Variants in ADAMTSL1 observed in about 807,000 individuals in gnomAD.
The protein encoded by ADAMTSL1 is ADAMTS-like protein 1.
ADAMTSL1 carries 126 observed loss-of-function variants against 201.8 expected under a neutral mutation model. The ratio of observed to expected loss-of-function variants is 0.62; its 90% confidence interval spans 0.54 to 0.72. The LOEUF (loss-of-function observed/expected upper bound fraction) is 0.72. ADAMTSL1 is among the 30% of genes least tolerant of loss of function. The probability of loss-of-function intolerance (pLI) is 0.00; values close to 1 mark genes in which losing one functional copy is unlikely to be tolerated. For synonymous variants in ADAMTSL1, 1,121 were observed against 903.4 expected (o/e 1.24, Z -4.32); for missense variants, 2,679 against 2,277.8 (o/e 1.18, Z -3.59).
At chr9:18,419,172 C>T (rs1404950769) in intron 2 of ADAMTSL1, among the ~76,000 whole-genome samples, 1 of 152,144 alleles carries the variant, frequency 6.6e-6, no homozygotes, top group Non-Finnish European at 1.5e-5. Context: ...CAACCAAAAC[C>T]TTATACCTTA....
At chr9:18,352,607 C>T (rs942213038) in intron 2 of ADAMTSL1, among the ~76,000 whole-genome samples, 22 of 152,072 alleles carry the variant, frequency 1.4e-4, no homozygotes, top group Non-Finnish European at 2.9e-4. Flanking sequence ...TGTTCATGTC[C>T]CTTTGCCTTT....
Position 18,484,589 on chromosome 9 carries a change from TA to T in ADAMTSL1, c.63+10298del, listed in dbSNP as rs780039406. Among the ~76,000 whole-genome samples, 121 of 152,316 alleles carry T rather than the reference TA, an allele frequency of 7.9e-4. 1 individual carries two copies. The highest frequency in any genetic ancestry group is 1.4e-3 in the Non-Finnish European group (98 of 68,030). On this transcript the variant is annotated intron_variant, in intron 1 of 28. Transcript: ENST00000380548. ...TCAATCTAGAGCTATGCTAAAGTAG[TA>T]AAACCTTTAAACCAGTCCCTCTTTC...
intron 1 of ADAMTSL1, among the ~76,000 whole-genome samples, chr9:18,076,504 C>T (rs1823231817): frequency 6.6e-6 from 1 of 152,166 alleles, no homozygotes; most frequent in Admixed American, 6.5e-5. Context: ...ATAGTGCCTC[C>T]ATGGGATAAT....
chr9:18,580,016 A>G (rs1289053978), intron 4 of ADAMTSL1, among the ~76,000 whole-genome samples: 1 of 152,222 alleles, frequency 6.6e-6, no homozygotes, highest in Non-Finnish European at 1.5e-5. Flanking sequence ...TTTGTAATTA[A>G]TAGAATTCAT....
chr9:18,901,298 G>A (rs1029966642), intron 26 of ADAMTSL1, among the ~76,000 whole-genome samples: 1 of 152,150 alleles, frequency 6.6e-6, no homozygotes. Context: ...CATATTAAAT[G>A]GAGTCCTTTG....
chr9:18,084,500 C>T (rs897882517), intron 1 of ADAMTSL1, among the ~76,000 whole-genome samples: 3 of 147,226 alleles, frequency 2.0e-5, no homozygotes, highest in African/African-American at 7.7e-5. Flanking sequence ...CCAACCTGGG[C>T]AACAGAGCAA....
intron 2 of ADAMTSL1, among the ~76,000 whole-genome samples, chr9:18,335,063 T>G (rs753838406): frequency 2.2e-4 from 33 of 152,142 alleles, no homozygotes; most frequent in Non-Finnish European, 3.8e-4. Context: ...GAAGGTTACG[T>G]AAGGCATTAT....
chr9:18,750,574 T>C (rs1253712308), intron 15 of ADAMTSL1, among the ~76,000 whole-genome samples: 1 of 152,224 alleles, frequency 6.6e-6, no homozygotes, highest in Non-Finnish European at 1.5e-5. Flanking sequence ...AGTGCTGCCA[T>C]GGATATTCTT....
chr9:18,162,438 G>A (rs757010953), intron 1 of ADAMTSL1, among the ~76,000 whole-genome samples: 2 of 152,130 alleles, frequency 1.3e-5, no homozygotes, highest in Non-Finnish European at 2.9e-5. Context: ...AAGCAAGTGT[G>A]TGTGACAGCA....
At chr9:18,232,635 G>A (rs541472535) in intron 2 of ADAMTSL1, among the ~76,000 whole-genome samples, 4 of 152,248 alleles carry the variant, frequency 2.6e-5, no homozygotes, top group Admixed American at 1.3e-4. Context: ...ATGGGTCTCT[G>A]TAGTTAGACC....
chr9:18,291,727 TCTCTCTCTCTCTCTCTCTCTCA>T (rs1345713092), intron 2 of ADAMTSL1, among the ~76,000 whole-genome samples: 21 of 126,310 alleles, frequency 1.7e-4, no homozygotes, highest in African/African-American at 6.6e-4. Context: ...TCTCTCTCTC[TCTCTCTCTCTCTCTCTCTCTCA>T]CACACACACA....
At chr9:18,231,699 T>C (rs2132409755) in intron 2 of ADAMTSL1, among the ~76,000 whole-genome samples, 1 of 152,308 alleles carries the variant, frequency 6.6e-6, no homozygotes, top group Non-Finnish European at 1.5e-5. Flanking sequence ...ATAGCTCCAC[T>C]TGGATGTCTA....
chr9:18,669,774 G>A (rs550676055), intron 9 of ADAMTSL1, among the ~76,000 whole-genome samples: 2 of 152,254 alleles, frequency 1.3e-5, no homozygotes, highest in South Asian at 4.2e-4. Context: ...GAGTCCAATA[G>A]CATGGGTTTC....
chr9:18,334,161 T>C (rs992768635), intron 2 of ADAMTSL1, among the ~76,000 whole-genome samples: 1 of 152,012 alleles, frequency 6.6e-6, no homozygotes, highest in African/African-American at 2.4e-5. Context: ...AAGCATTTAA[T>C]GAAAAAAAAA....
At chr9:18,533,515 A>T (rs1819567436) in intron 3 of ADAMTSL1, among the ~76,000 whole-genome samples, 1 of 152,170 alleles carries the variant, frequency 6.6e-6, no homozygotes, top group South Asian at 2.1e-4. Context: ...CTATTTCAAA[A>T]CAAGGACTCT....
At chr9:18,151,353 A>G (rs1020687378) in intron 1 of ADAMTSL1, among the ~76,000 whole-genome samples, 2 of 152,050 alleles carry the variant, frequency 1.3e-5, no homozygotes, top group Non-Finnish European at 2.9e-5. Flanking sequence ...AAATACTAGC[A>G]ATAATTTTAG....
At chr9:18,088,831 C>T (rs183441747) in intron 1 of ADAMTSL1, among the ~76,000 whole-genome samples, 3 of 152,220 alleles carry the variant, frequency 2.0e-5, no homozygotes, top group Admixed American at 2.0e-4. Flanking sequence ...AAAGGTGGTT[C>T]CTCAAAAAAT....
intron 2 of ADAMTSL1, among the ~76,000 whole-genome samples, chr9:18,374,781 G>A (rs1431029187): frequency 6.6e-6 from 1 of 152,174 alleles, no homozygotes; most frequent in Non-Finnish European, 1.5e-5. Flanking sequence ...CAGTAGGCTT[G>A]TCCATTTATT....
intron 2 of ADAMTSL1, among the ~76,000 whole-genome samples, chr9:18,328,356 T>C (rs564032775): frequency 6.6e-6 from 1 of 152,248 alleles, no homozygotes; most frequent in East Asian, 1.9e-4. Context: ...TGTCTCTTTT[T>C]CTATATTCAA....
Sources: allele counts gnomAD v4.1 joint callset (sites outside exome capture counted in the v4.1 genomes callset), GRCh38; gene constraint gnomAD v4.1.1; transcripts MANE v1.5; gene names NCBI Gene and HGNC (gene_info 2026-07-23, HGNC 2026-07-21).